The following MMP26 variants were observed in gnomAD, a reference collection of about 807,000 sequenced individuals.
MMP26 encodes the protein matrix metalloproteinase-26.
MMP26 carries 33 observed loss-of-function variants against 31.0 expected under a neutral mutation model. The ratio of observed to expected loss-of-function variants is 1.06; its 90% CI spans 0.81 to 1.42. The LOEUF (loss-of-function observed/expected upper bound fraction) is 1.42, where lower values mean the gene tolerates loss of function less well. Ranked by LOEUF, MMP26 falls within the 40% of genes most tolerant of loss-of-function variation. The pLI is 0.00. For synonymous variants in MMP26, 122 were observed against 114.9 expected, an observed-to-expected ratio of 1.06 and a Z score of -0.40; for missense variants, 347 against 316.1, an observed-to-expected ratio of 1.10 and a Z score of -0.74.
intron 2 of MMP26, chr11:4,915,055 G>T (rs754454942): frequency 1.2e-6 from 2 of 1,614,100 alleles, no homozygotes; most frequent in Non-Finnish European, 1.7e-6. Context: ...CAAACATGCC[G>T]TAGATGCTGT....
At chr11:4,722,857 A>G in intron 1 of MMP26, 1 of 833,934 alleles carries the variant, frequency 1.2e-6, no homozygotes, top group East Asian at 2.4e-5. Context: ...CGCCAGAGCC[A>G]AAGCTGGAGC....
chr11:4,836,413 T>C lies in MMP26; in HGVS notation c.-145+69072T>C, dbSNP rs144719054. On this transcript the variant is annotated intron_variant, in intron 2 of 7. Transcript: ENST00000380390. The stretch of plus-strand genomic sequence containing the variant: ...CTTATATACACACACAGATATACAT[T>C]GTATATTATATATACACAATATTAT... Among the ~76,000 whole-genome samples, 887 of 150,958 alleles carry C rather than the reference T, an allele frequency of 5.9e-3. 11 individuals are homozygous for C. Among genetic ancestry groups the C allele is most frequent in the African/African-American group, 0.021 (854 of 41,270 alleles).
intron 2 of MMP26, among the ~76,000 whole-genome samples, chr11:4,924,963 A>G (rs1851248138): frequency 6.6e-6 from 1 of 152,196 alleles, no homozygotes; most frequent in South Asian, 2.1e-4. Context: ...TTGCATTGAA[A>G]AATGCTCTAT....
intron 1 of MMP26, among the ~76,000 whole-genome samples, chr11:4,716,764 C>T (rs554996043): frequency 2.3e-4 from 33 of 140,564 alleles, no homozygotes; most frequent in African/African-American, 7.6e-4. Flanking sequence ...CAGGTTCAAG[C>T]GATTCTCCTG....
intron 2 of MMP26, among the ~76,000 whole-genome samples, chr11:4,801,413 G>T (rs1486345067): frequency 6.6e-6 from 1 of 152,120 alleles, no homozygotes; most frequent in Non-Finnish European, 1.5e-5. Flanking sequence ...CAGAAAGTGT[G>T]CAATCATGGC....
chr11:4,840,959 A>G (rs780886930), intron 2 of MMP26, among the ~76,000 whole-genome samples: 2 of 152,154 alleles, frequency 1.3e-5, no homozygotes, highest in Non-Finnish European at 2.9e-5. Flanking sequence ...ATTAACAGTG[A>G]TATTGACATA....
intron 2 of MMP26, among the ~76,000 whole-genome samples, chr11:4,968,787 G>C (rs1299704794): frequency 6.6e-6 from 1 of 151,912 alleles, no homozygotes; most frequent in Non-Finnish European, 1.5e-5. Context: ...TACATATTTA[G>C]TCAACTTGAC....
chr11:4,860,265 G>GATGA, intron 2 of MMP26: 1 of 471,302 alleles, frequency 2.1e-6, no homozygotes, highest in Admixed American at 2.3e-5. Context: ...ACATCTGCAT[G>GATGA]ATGCATGCAT....
intron 1 of MMP26, 139 bp from the exon 2 acceptor site, chr11:4,767,131 A>G (rs1285383202): frequency 1.3e-5 from 2 of 152,188 alleles, no homozygotes; most frequent in African/African-American, 4.8e-5. Flanking sequence ...GGAAAGCTGA[A>G]GAAGAGAGAA....
At chr11:4,987,734 A>G (rs551169730) in intron 2 of MMP26, among the ~76,000 whole-genome samples, 3 of 152,244 alleles carry the variant, frequency 2.0e-5, no homozygotes, top group African/African-American at 4.8e-5. Context: ...GGAGATTTTC[A>G]TACTCTGATC....
chr11:4,946,365 T>C, intron 2 of MMP26: 3 of 1,613,670 alleles, frequency 1.9e-6, no homozygotes, highest in African/African-American at 1.3e-5. Flanking sequence ...ACTGCACAGA[T>C]GTGTGAAACA....
At chr11:4,769,689 C>T in intron 2 of MMP26, 1 of 1,612,800 alleles carries the variant, frequency 6.2e-7, no homozygotes, top group Non-Finnish European at 8.5e-7. Flanking sequence ...AATGAAGAAA[C>T]AGTCAAGCCC....
intron 2 of MMP26, among the ~76,000 whole-genome samples, chr11:4,871,487 G>A (rs1850309691): frequency 1.3e-5 from 2 of 152,068 alleles, no homozygotes; most frequent in South Asian, 2.1e-4. Flanking sequence ...TCTGCGTTTG[G>A]ATGGGTTGCT....
intron 1 of MMP26, among the ~76,000 whole-genome samples, chr11:4,764,900 A>ACACACACACACACACAC (rs1848610559): frequency 6.6e-6 from 1 of 151,922 alleles, no homozygotes; most frequent in African/African-American, 2.4e-5. Context: ...ACACACACAC[A>ACACACACACACACACAC]AAGAATACTA....
At chr11:4,991,842 C>T in intron 6 of MMP26, 122 bp from the exon 7 acceptor site, 2 of 919,346 alleles carry the variant, frequency 2.2e-6, no homozygotes, top group Non-Finnish European at 3.1e-6. Context: ...TTTTCCTTTA[C>T]CCTGTAACAT....
intron 2 of MMP26, among the ~76,000 whole-genome samples, chr11:4,830,769 A>G (rs1359488901): frequency 1.3e-5 from 2 of 152,220 alleles, no homozygotes; most frequent in Non-Finnish European, 2.9e-5. Context: ...TGACTCCAGG[A>G]GTATGATCAG....
chr11:4,736,156 A>T (rs1172248744), intron 1 of MMP26: 1 of 152,216 alleles, frequency 6.6e-6, no homozygotes, highest in African/African-American at 2.4e-5. Flanking sequence ...TATTAGAGTC[A>T]CAACACAGAT....
intron 2 of MMP26, chr11:4,875,534 T>G (rs1447403680): frequency 1.3e-5 from 2 of 152,134 alleles, no homozygotes; most frequent in Non-Finnish European, 2.9e-5. Context: ...TTCCATCTTC[T>G]AAAGGCCACT....
chr11:4,761,283 T>C (rs1259567485), intron 1 of MMP26, among the ~76,000 whole-genome samples: 1 of 152,246 alleles, frequency 6.6e-6, no homozygotes, highest in South Asian at 2.1e-4. Flanking sequence ...CAAGGGCATT[T>C]ATTAAAGACA....
Sources: gnomAD v4.1 joint callset for allele counts (sites outside exome capture counted in the v4.1 genomes callset) on GRCh38, gnomAD v4.1.1 for gene constraint, MANE v1.5 for transcripts, NCBI Gene and HGNC (gene_info 2026-07-23, HGNC 2026-07-21) for gene names.